The following ULK4 variants were observed in gnomAD, a reference collection of about 807,000 sequenced individuals.
The protein encoded by ULK4 is unc-51 like kinase 4.
In ULK4, 133 loss-of-function variants were observed where a neutral mutation model predicts 160.6. The observed-to-expected ratio is 0.83, with a 90% CI of 0.72 to 0.96. The LOEUF is 0.96. Among genes scored for constraint, ULK4 ranks in the 40% least tolerant of loss-of-function variants. ULK4 has a pLI of 0.00. For missense variants in ULK4, 1,580 were observed against 1,499.5 expected (o/e 1.05, Z -0.89); for synonymous variants, 534 against 539.8 (o/e 0.99, Z 0.15).
At chr3:41,746,272 C>CAAAAAAAAAAAAAAAAAAAAAAAAAA (rs34582395) in intron 22 of ULK4, among the ~76,000 whole-genome samples, 8 of 45,716 alleles carry the variant, frequency 1.7e-4, no homozygotes, top group African/African-American at 7.4e-4. Flanking sequence ...CTGGAACCCA[C>CAAAAAAAAAAAAAAAAAAAAAAAAAA]AAAAAAAAAA....
intron 31 of ULK4, among the ~76,000 whole-genome samples, chr3:41,589,877 C>T (rs1230153764): frequency 6.6e-6 from 1 of 151,924 alleles, no homozygotes; most frequent in African/African-American, 2.4e-5. Flanking sequence ...CCAGAAATGA[C>T]AAATAGTCCA....
intron 9 of ULK4, 119 bp downstream of exon 9, chr3:41,912,688 G>T: frequency 1.2e-6 from 1 of 826,860 alleles, no homozygotes. Flanking sequence ...AACAAACGCT[G>T]GATTTTCTCC....
intron 17 of ULK4, among the ~76,000 whole-genome samples, chr3:41,853,064 G>A (rs1179852872): frequency 6.6e-6 from 1 of 152,132 alleles, no homozygotes. Flanking sequence ...CTCTAATGAA[G>A]TCAAAATGCT....
intron 18 of ULK4, among the ~76,000 whole-genome samples, chr3:41,826,123 A>G (rs994553422): frequency 1.3e-5 from 2 of 152,150 alleles, no homozygotes; most frequent in African/African-American, 4.8e-5. Context: ...AGATTTTGAC[A>G]CCACCAGGCC....
At chr3:41,760,662 C>T (rs2038956059) in intron 21 of ULK4, among the ~76,000 whole-genome samples, 1 of 152,064 alleles carries the variant, frequency 6.6e-6, no homozygotes, top group African/African-American at 2.4e-5. Context: ...ATTACCTTGG[C>T]CTTATTTTAT....
chr3:41,934,246 C>T (rs1699690090), intron 4 of ULK4, among the ~76,000 whole-genome samples: 1 of 152,184 alleles, frequency 6.6e-6, no homozygotes, highest in African/African-American at 2.4e-5. Flanking sequence ...ACTACAATGA[C>T]AGTTGAGTAG....
intron 32 of ULK4, among the ~76,000 whole-genome samples, chr3:41,542,494 G>A (rs1186287751): frequency 2.0e-5 from 3 of 151,838 alleles, no homozygotes; most frequent in Non-Finnish European, 4.4e-5. Flanking sequence ...TTTTTGTTTT[G>A]TCTTTGCCAG....
At chr3:41,312,128 C>T (rs913454670) in intron 35 of ULK4, among the ~76,000 whole-genome samples, 3 of 152,010 alleles carry the variant, frequency 2.0e-5, no homozygotes, top group African/African-American at 7.3e-5. Context: ...ATATGTACTA[C>T]CAAACATGGC....
At chr3:41,549,088 C>T (rs983957028) in intron 32 of ULK4, among the ~76,000 whole-genome samples, 2 of 152,154 alleles carry the variant, frequency 1.3e-5, no homozygotes, top group Admixed American at 1.3e-4. Context: ...GAAGAAGTGC[C>T]TGTTACACAA....
chr3:41,458,863 C>T (rs894366716), intron 33 of ULK4, among the ~76,000 whole-genome samples: 5 of 151,738 alleles, frequency 3.3e-5, no homozygotes, highest in African/African-American at 1.2e-4. Context: ...TCAAGCAATT[C>T]CCCTGCCTCA....
chr3:41,705,116 A>G lies in ULK4; in HGVS notation c.2722T>C (p.Leu908=), dbSNP rs774042233. ...TGTATTATTGCTTCAAAAGCTGACAATGTGATCTTGATAAATTCTTCTGAT... is the reference window on the plus strand; with the variant it reads ...TGTATTATTGCTTCAAAAGCTGACAGTGTGATCTTGATAAATTCTTCTGAT... ...TASEEFIKIT[L]SAFEAIIQYP... The change falls in exon 27 of 37, where the codon TTG becomes CTG. Residue 908 remains leucine, a synonymous_variant. Coordinates refer to ENST00000301831, the MANE Select transcript of ULK4 (RefSeq NM_017886.4). 1.9e-6 allele frequency: 3 copies of G among 1,614,004 alleles called. No individual in the cohort carries two copies. The South Asian group carries it at 3.3e-5, about 18-fold the overall frequency.
intron 18 of ULK4, among the ~76,000 whole-genome samples, chr3:41,829,596 T>A (rs1355555201): frequency 6.6e-6 from 1 of 152,114 alleles, no homozygotes; most frequent in Middle Eastern, 3.2e-3. Context: ...CACAATGAGA[T>A]ACCATCTCAC....
intron 17 of ULK4, among the ~76,000 whole-genome samples, chr3:41,883,438 T>C (rs1428093239): frequency 1.3e-5 from 2 of 152,160 alleles, no homozygotes; most frequent in Non-Finnish European, 2.9e-5. Context: ...CCATTACCAA[T>C]TAAGTGTAAC....
intron 17 of ULK4, among the ~76,000 whole-genome samples, chr3:41,883,447 A>G (rs78082941): frequency 0.059 from 9,014 of 152,250 alleles, 847 homozygotes; most frequent in African/African-American, 0.21. Flanking sequence ...ATTAAGTGTA[A>G]CATACGTTAA....
chr3:41,675,134 G>A (rs565001852), intron 29 of ULK4, among the ~76,000 whole-genome samples: 1 of 152,084 alleles, frequency 6.6e-6, no homozygotes, highest in Non-Finnish European at 1.5e-5. Context: ...CAGCCACTCG[G>A]GAGGCTGAGG....
Position 41,598,486 on chromosome 3 carries a change from T to G in ULK4, c.3120+17183A>C, listed in dbSNP as rs549305402. Among the ~76,000 whole-genome samples, 5 of 152,212 alleles carry G rather than the reference T, an allele frequency of 3.3e-5. No individual in the cohort carries two copies. In the East Asian group the frequency reaches 9.7e-4, roughly 29 times the overall value. On this transcript the variant is annotated intron_variant, in intron 31 of 36. Transcript: ENST00000301831. ...AAGGGAGCTGTCATGGAGAGCAAAA[T>G]CAATCATTTTTACAACGAAACCTAG...
intron 31 of ULK4, among the ~76,000 whole-genome samples, chr3:41,567,215 G>A (rs1280393296): frequency 6.6e-6 from 1 of 152,038 alleles, no homozygotes; most frequent in Non-Finnish European, 1.5e-5. Flanking sequence ...CACTGTAGTA[G>A]GCACTTGAGG....
At chr3:41,795,825 T>C (rs925515241) in intron 20 of ULK4, among the ~76,000 whole-genome samples, 62 of 152,268 alleles carry the variant, frequency 4.1e-4, no homozygotes, top group African/African-American at 1.3e-3. Context: ...ACTCCAGTGG[T>C]CCAGGTGAGA....
chr3:41,444,579 G>C (rs748885678), intron 34 of ULK4, among the ~76,000 whole-genome samples: 4 of 152,072 alleles, frequency 2.6e-5, no homozygotes, highest in Non-Finnish European at 4.4e-5. Flanking sequence ...TTGAGATTTG[G>C]TTATTAGAGT....
Sources: allele counts gnomAD v4.1 joint callset (sites outside exome capture counted in the v4.1 genomes callset), GRCh38; gene constraint gnomAD v4.1.1; transcripts MANE v1.5; gene names NCBI Gene and HGNC (gene_info 2026-07-23, HGNC 2026-07-21).